The following CA9 variants were observed in gnomAD, a reference collection of about 807,000 sequenced individuals.
CA9 encodes the protein CA-IX.
A neutral mutation model predicts 51.8 loss-of-function variants in CA9; 43 were observed. The ratio of observed to expected loss-of-function variants is 0.83; its 90% CI spans 0.65 to 1.07. The LOEUF is 1.07. CA9 is among the 50% of genes least tolerant of loss of function. The pLI is 0.00. For missense variants in CA9, 574 were observed against 581.4 expected, an observed-to-expected ratio of 0.99 and a Z score of 0.13; for synonymous variants, 253 against 244.2, an observed-to-expected ratio of 1.04 and a Z score of -0.34.
chr9:35,678,695 C>CTTTTTTT (rs746454806), intron 6 of CA9, among the ~76,000 whole-genome samples: 2 of 129,898 alleles, frequency 1.5e-5, no homozygotes, highest in Non-Finnish European at 1.6e-5. Context: ...TTTTTCTTTT[C>CTTTTTTT]TTTTCTTTTT....
intron 9 of CA9, 37 bp from the exon 10 acceptor site, chr9:35,680,716 T>C (rs545434105): frequency 1.6e-5 from 26 of 1,580,056 alleles, no homozygotes; most frequent in Middle Eastern, 1.8e-4. Flanking sequence ...AGACCCCTCT[T>C]CCTTCCCAAA....
chr9:35,679,396 A>G, intron 7 of CA9, 54 bp downstream of exon 7: 2 of 1,564,534 alleles, frequency 1.3e-6, no homozygotes, highest in Non-Finnish European at 1.7e-6. Context: ...AGGATGTAAG[A>G]TGAGATGAGA....
At chr9:35,679,044 TG>T in intron 6 of CA9, 140 bp from the exon 7 acceptor site, 1 of 801,120 alleles carries the variant, frequency 1.2e-6, no homozygotes, top group Non-Finnish European at 2.0e-6. Context: ...TTACGTCTTA[TG>T]GGAAGGGCCT....
At chr9:35,675,262 G>A (rs917786405) in intron 1 of CA9, 2 of 511,084 alleles carry the variant, frequency 3.9e-6, no homozygotes, top group African/African-American at 3.9e-5. Flanking sequence ...CCAAAGTGCT[G>A]GGATTATAGG....
chr9:35,679,903 A>G lies in CA9; in HGVS notation c.1115A>G (p.Gln372Arg). ...TLWGPGDSRL[Q>R]LNFRATQPLN... ...TGGGGACCTGGTGACTCTCGGCTAC[A>G]GCTGAACTTCCGAGCGACGCAGCCT... Residue 372 changes from glutamine to arginine, a missense_variant, in exon 8 of 11, where the codon CAG (glutamine) becomes CGG (arginine). By Grantham distance (43) the Gln-to-Arg change is conservative (BLOSUM62 1). Coordinates refer to ENST00000378357, the MANE Select transcript of CA9 (RefSeq NM_001216.3). 6.2e-7 allele frequency: 1 copy of G among 1,613,534 alleles called. No homozygotes were observed. The highest frequency in any genetic ancestry group is 1.3e-5 in the African/African-American group (1 of 74,994).
chr9:35,677,575 T>C (rs952618414), intron 5 of CA9, among the ~76,000 whole-genome samples: 3 of 151,926 alleles, frequency 2.0e-5, no homozygotes, highest in African/African-American at 7.3e-5. Context: ...ACATAGAGTT[T>C]GAAATAATAC....
At chr9:35,674,409 C>T (rs1374958308) in intron 1 of CA9, 47 bp downstream of exon 1, 1 of 1,548,176 alleles carries the variant, frequency 6.5e-7, no homozygotes, top group Non-Finnish European at 8.8e-7. Context: ...AGGTTCATGA[C>T]TCCCCTCCCA....
intron 2 of CA9, 75 bp from the exon 3 acceptor site, chr9:35,675,686 C>G (rs1824402023): frequency 2.7e-6 from 4 of 1,509,206 alleles, no homozygotes; most frequent in Non-Finnish European, 3.7e-6. Context: ...GTCCCACCCC[C>G]TCACCTTTTC....
At chr9:35,675,721 C>A (rs767716679) in intron 2 of CA9, 40 bp from the exon 3 acceptor site, 2 of 1,538,196 alleles carry the variant, frequency 1.3e-6, no homozygotes, top group East Asian at 2.4e-5. Context: ...AAGTTCCTGA[C>A]CTAGGCGTCA....
At chr9:35,675,271 G>T in intron 1 of CA9, 1 of 542,890 alleles carries the variant, frequency 1.8e-6, no homozygotes. Flanking sequence ...TGGGATTATA[G>T]GCGTGAGCCA....
rs753940556 is a variant in CA9 at position 35,676,334 on chromosome 9, T to G, written c.785T>G (p.Val262Gly). The G allele has an allele frequency of 1.2e-6, 2 of 1,614,038 alleles. No homozygotes were observed. Among genetic ancestry groups the G allele is most frequent in the Admixed American group, 3.3e-5 (2 of 60,020 alleles). ...CACCTCAGCACCGCCTTTGCCAGAG[T>G]TGACGAGGCCTTGGGGCGCCCGGGA... ...VVHLSTAFAR[V>G]DEALGRPGGL... The change falls in exon 5 of 11, where the codon GTT becomes GGT. Residue 262 changes from valine to glycine, a missense_variant. Transcript: ENST00000378357.
intron 9 of CA9, 35 bp downstream of exon 9, chr9:35,680,174 G>C: frequency 6.2e-7 from 1 of 1,613,888 alleles, no homozygotes; most frequent in Non-Finnish European, 8.5e-7. Flanking sequence ...CTGATGCCAG[G>C]AGACTCCTCA....
At position 35,674,013 on chromosome 9, in the gene CA9, T is replaced by G; in HGVS notation, c.54T>G (p.Ala18=). 5 of 1,613,830 alleles carry G rather than the reference T, an allele frequency of 3.1e-6. No homozygotes were observed. The highest frequency in any genetic ancestry group is 4.2e-6 in the Non-Finnish European group (5 of 1,179,828). ...TCCCTCTGTTGATCCCGGCCCCTGC[T>G]CCAGGCCTCACTGTGCAACTGCTGC... ...PWLPLLIPAP[A]PGLTVQLLLS... Residue 18 remains alanine, a synonymous_variant, in exon 1 of 11, where the codon GCT becomes GCG. Coordinates refer to ENST00000378357, the MANE Select transcript of CA9 (RefSeq NM_001216.3).
rs1171354874 is a variant in CA9, at chr9:35,681,150, T to C, written c.*125T>C. On this transcript the variant is annotated 3_prime_UTR_variant, in exon 11 of 11. Transcript: ENST00000378357. ...CAAGAAATTTTTTAAAATAAATATTTATAATAAAATATGTGTTAGTCACCT... is the reference window on the plus strand; with the variant it reads ...CAAGAAATTTTTTAAAATAAATATTCATAATAAAATATGTGTTAGTCACCT... 3.7e-6 allele frequency: 2 copies of C among 545,810 alleles called. No individual in the cohort carries two copies. Among genetic ancestry groups the C allele is most frequent in the Admixed American group, 3.8e-5 (1 of 26,188 alleles). The allele number at this position is 545,810 out of a possible 1,614,324, so 33.8% of individuals were successfully genotyped here.
chr9:35,680,273 A>G, intron 9 of CA9, 134 bp downstream of exon 9: 1 of 985,572 alleles, frequency 1.0e-6, no homozygotes, highest in Non-Finnish European at 1.6e-6. Flanking sequence ...TTAGAGAGGC[A>G]GATCATGGTG....
Position 35,676,060 on chromosome 9 carries a change from G to C in CA9, c.605-4G>C, listed in dbSNP as rs1824414421. 6.2e-7 allele frequency: 1 copy of C among 1,612,938 alleles called. No individual in the cohort carries two copies. ...GGCCGGCTCACTTGCCTCTCCCTAC[G>C]CAGTGCAACTGACCCTGCCTCCTGG... is the stretch of plus-strand genomic sequence containing the variant. On this transcript the variant is annotated splice_region_variant and splice_polypyrimidine_tract_variant and intron_variant, in intron 3 of 10. Transcript: ENST00000378357.
At chr9:35,680,087 C>T in intron 8 of CA9, 26 bp from the exon 9 acceptor site, 1 of 1,614,190 alleles carries the variant, frequency 6.2e-7, no homozygotes, top group Non-Finnish European at 8.5e-7. Context: ...CACAGCCCGC[C>T]TCTCACATCT....
chr9:35,680,355 G>A (rs903620911), intron 9 of CA9, among the ~76,000 whole-genome samples: 8 of 145,810 alleles, frequency 5.5e-5, no homozygotes, highest in Non-Finnish European at 1.2e-4. Flanking sequence ...CATCCCTCTC[G>A]CAAAACAATC....
At chr9:35,680,194 A>G in intron 9 of CA9, 55 bp downstream of exon 9, 3 of 1,609,136 alleles carry the variant, frequency 1.9e-6, no homozygotes, top group Non-Finnish European at 1.7e-6. Context: ...AGCACCATTC[A>G]GCCCCAGGGC....
Sources: allele counts gnomAD v4.1 joint callset (sites outside exome capture counted in the v4.1 genomes callset), GRCh38; gene constraint gnomAD v4.1.1; transcripts MANE v1.5; gene names NCBI Gene and HGNC (gene_info 2026-07-23, HGNC 2026-07-21).